SLC9D1: variants seen among roughly 807,000 people sequenced by gnomAD.
The protein encoded by SLC9D1 is solute carrier family 9 member D1, also known as putative LAG1-interacting protein.
chr13:113,500,809 G>A, the SLC9D1 span, among the ~76,000 whole-genome samples: 1 of 152,148 alleles, frequency 6.6e-6, no homozygotes, highest in East Asian at 1.9e-4. Context: ...GCTCAAAGAC[G>A]GTGCTATCTC....
chr13:113,509,540 C>A, the SLC9D1 span, among the ~76,000 whole-genome samples: 1 of 152,164 alleles, frequency 6.6e-6, no homozygotes, highest in African/African-American at 2.4e-5. Context: ...GCCACACAGC[C>A]CCTGCACCCC....
chr13:113,500,236 C>A, the SLC9D1 span: 2 of 790,340 alleles, frequency 2.5e-6, no homozygotes, highest in Non-Finnish European at 3.7e-6. Flanking sequence ...CTGAACAAGG[C>A]ACAGCCTTCC....
At chr13:113,522,653 A>G in the SLC9D1 span, among the ~76,000 whole-genome samples, 27,976 of 151,492 alleles carry the variant, frequency 0.18, 3,395 homozygotes, top group African/African-American at 0.35. Flanking sequence ...GTTGTTTTTG[A>G]GATGGAGTCT....
the SLC9D1 span, among the ~76,000 whole-genome samples, chr13:113,549,229 C>T: frequency 2.0e-5 from 3 of 151,618 alleles, no homozygotes; most frequent in African/African-American, 7.3e-5. Flanking sequence ...CAGCACTCGG[C>T]ATGACCGCGC....
At chr13:113,496,365 A>C in the SLC9D1 span, among the ~76,000 whole-genome samples, 2 of 152,362 alleles carry the variant, frequency 1.3e-5, no homozygotes, top group Admixed American at 1.3e-4. Flanking sequence ...ATGCAAAGAT[A>C]AATATAACTT....
the SLC9D1 span, among the ~76,000 whole-genome samples, chr13:113,536,970 T>G: frequency 4.3e-4 from 65 of 152,266 alleles, 1 homozygote; most frequent in Non-Finnish European, 2.1e-4. Context: ...TTGCACTTGC[T>G]CCAGGAGTGG....
At chr13:113,525,856 C>T in the SLC9D1 span, among the ~76,000 whole-genome samples, 9 of 150,104 alleles carry the variant, frequency 6.0e-5, no homozygotes, top group Non-Finnish European at 1.3e-4. Flanking sequence ...TAGAACAAGC[C>T]ATCGTCGTCG....
the SLC9D1 span, among the ~76,000 whole-genome samples, chr13:113,526,591 C>T: frequency 6.6e-6 from 1 of 152,006 alleles, no homozygotes; most frequent in Non-Finnish European, 1.5e-5. Context: ...TGGTGGCGCA[C>T]ACCCATAGTC....
chr13:113,535,223 C>T, the SLC9D1 span: 1 of 152,244 alleles, frequency 6.6e-6, no homozygotes, highest in East Asian at 1.9e-4. This position sits in a 1 kb window ranked among gnomAD's most constrained non-coding sequence, Gnocchi z 4.1. Context: ...GTGTTGCTCA[C>T]AAGCTAATTA....
the SLC9D1 span, chr13:113,505,944 G>T: frequency 6.5e-6 from 1 of 152,714 alleles, no homozygotes; most frequent in South Asian, 2.0e-4. Context: ...CCTGAAGACA[G>T]GCATCCTCAT....
At chr13:113,547,454 G>A in the SLC9D1 span, 4 of 1,255,186 alleles carry the variant, frequency 3.2e-6, no homozygotes, top group African/African-American at 5.9e-5. Flanking sequence ...CTGGTTTCCA[G>A]TGGGGCCCAC....
At chr13:113,525,195 T>G in the SLC9D1 span, among the ~76,000 whole-genome samples, 2 of 152,210 alleles carry the variant, frequency 1.3e-5, no homozygotes, top group Non-Finnish European at 2.9e-5. Flanking sequence ...TAATGACATT[T>G]TGGTCAGTGA....
chr13:113,521,184 G>A, the SLC9D1 span, among the ~76,000 whole-genome samples: 3 of 151,888 alleles, frequency 2.0e-5, no homozygotes, highest in African/African-American at 4.8e-5. Flanking sequence ...ATGTATTCAC[G>A]TGTATCTGCA....
the SLC9D1 span, among the ~76,000 whole-genome samples, chr13:113,493,116 G>T: frequency 6.6e-6 from 1 of 152,176 alleles, no homozygotes; most frequent in South Asian, 2.1e-4. Context: ...TTCATGTTAT[G>T]AGTATGTTTC....
chr13:113,500,273 C>T, the SLC9D1 span: 9 of 495,244 alleles, frequency 1.8e-5, no homozygotes, highest in African/African-American at 9.9e-5. Context: ...ACTAGAATTC[C>T]GTACATTATC....
At chr13:113,491,720 A>T in the SLC9D1 span, among the ~76,000 whole-genome samples, 1 of 151,890 alleles carries the variant, frequency 6.6e-6, no homozygotes, top group African/African-American at 2.4e-5. Context: ...GCCCGGGTGG[A>T]CTCGGGGCCT....
chr13:113,536,485 CTTATTTAAA>C, the SLC9D1 span: 3 of 738,034 alleles, frequency 4.1e-6, no homozygotes, highest in Non-Finnish European at 5.0e-6. Context: ...AAGAGTGTGA[CTTATTTAAA>C]TTCTTACATT....
the SLC9D1 span, chr13:113,534,160 C>T: frequency 3.2e-5 from 52 of 1,604,962 alleles, no homozygotes; most frequent in East Asian, 7.5e-4. Flanking sequence ...ACCCTATTAT[C>T]GGAAGCTGCA....
the SLC9D1 span, among the ~76,000 whole-genome samples, chr13:113,531,879 A>T: frequency 5.3e-5 from 8 of 152,184 alleles, no homozygotes; most frequent in Non-Finnish European, 7.3e-5. Context: ...GTCTTCTGGG[A>T]ATTAGACCTA....
Sources: allele counts gnomAD v4.1 joint callset (sites outside exome capture counted in the v4.1 genomes callset), GRCh38; gene constraint gnomAD v4.1.1; non-coding constraint Gnocchi (gnomAD v3.1); transcripts MANE v1.5; gene names NCBI Gene and HGNC (gene_info 2026-07-23, HGNC 2026-07-21).